GALNTL6: variants seen among roughly 807,000 people sequenced by gnomAD.
GALNTL6 encodes the protein polypeptide N-acetylgalactosaminyltransferase-like 6.
In GALNTL6, 46 loss-of-function variants were observed where a neutral mutation model predicts 73.7. That is an observed-to-expected ratio of 0.62 (90% confidence interval 0.49 to 0.80). The LOEUF (loss-of-function observed/expected upper bound fraction) is 0.80. Ranked by LOEUF, GALNTL6 falls within the 30% of genes least tolerant of loss-of-function variation. The pLI, the probability that GALNTL6 is intolerant of heterozygous loss-of-function variation, is 0.00. For synonymous variants in GALNTL6, 259 were observed against 263.7 expected (o/e 0.98, Z 0.17); for missense variants, 604 against 755.0 (o/e 0.80, Z 2.34).
intron 2 of GALNTL6, among the ~76,000 whole-genome samples, chr4:172,150,075 T>A (rs1014530835): frequency 6.6e-6 from 1 of 152,150 alleles, no homozygotes; most frequent in East Asian, 1.9e-4. Context: ...ATACCTTTAC[T>A]GGGCCCACCA....
At chr4:172,064,302 G>A (rs1226990333) in intron 2 of GALNTL6, among the ~76,000 whole-genome samples, 1 of 152,152 alleles carries the variant, frequency 6.6e-6, no homozygotes, top group Non-Finnish European at 1.5e-5. Flanking sequence ...TCAGCATTAT[G>A]ATTATTTGGC....
intron 2 of GALNTL6, among the ~76,000 whole-genome samples, chr4:172,180,461 C>T (rs1266697681): frequency 3.3e-5 from 5 of 152,004 alleles, no homozygotes; most frequent in Non-Finnish European, 5.9e-5. Context: ...AATTCGATCC[C>T]ATTTGTCAAT....
At chr4:172,755,205 A>G (rs1335015975) in intron 5 of GALNTL6, among the ~76,000 whole-genome samples, 2 of 151,986 alleles carry the variant, frequency 1.3e-5, no homozygotes, top group Non-Finnish European at 2.9e-5. Flanking sequence ...ACCACTTAGA[A>G]GCCATAAGAT....
intron 10 of GALNTL6, among the ~76,000 whole-genome samples, chr4:172,991,150 A>G (rs921218975): frequency 4.6e-5 from 7 of 152,212 alleles, no homozygotes; most frequent in African/African-American, 1.7e-4. Flanking sequence ...CAAAAATTTT[A>G]AAAAGACTTA....
chr4:172,415,659 C>G (rs1029860946), intron 5 of GALNTL6, among the ~76,000 whole-genome samples: 1 of 152,124 alleles, frequency 6.6e-6, no homozygotes, highest in Non-Finnish European at 1.5e-5. Flanking sequence ...CTTTATTCAG[C>G]TGGGAGCATC....
chr4:172,967,564 T>G (rs2126397646), intron 10 of GALNTL6, among the ~76,000 whole-genome samples: 1 of 152,336 alleles, frequency 6.6e-6, no homozygotes, highest in East Asian at 1.9e-4. Flanking sequence ...TGGTCTCACT[T>G]TCTGCACTTT....
chr4:172,651,122 G>C (rs1740456797), intron 5 of GALNTL6, among the ~76,000 whole-genome samples: 1 of 152,106 alleles, frequency 6.6e-6, no homozygotes, highest in Non-Finnish European at 1.5e-5. Context: ...TGTCTTATTA[G>C]TCCATGTGTA....
intron 2 of GALNTL6, among the ~76,000 whole-genome samples, chr4:171,986,797 C>G (rs188297028): frequency 2.6e-5 from 4 of 152,122 alleles, no homozygotes; most frequent in Non-Finnish European, 5.9e-5. Flanking sequence ...AGAATTGGGA[C>G]GACCCAGGAC....
intron 7 of GALNTL6, among the ~76,000 whole-genome samples, chr4:172,870,714 C>T (rs186514840): frequency 1.3e-5 from 2 of 152,204 alleles, no homozygotes; most frequent in East Asian, 1.9e-4. Context: ...CAGTTCAGAC[C>T]GGCCTAGGAC....
chr4:172,978,612 T>A (rs1750937940), intron 10 of GALNTL6, among the ~76,000 whole-genome samples: 2 of 152,190 alleles, frequency 1.3e-5, no homozygotes, highest in African/African-American at 4.8e-5. Flanking sequence ...TTACCCAATT[T>A]CAGTGCGTAA....
At chr4:172,128,188 T>C (rs1243976034) in intron 2 of GALNTL6, among the ~76,000 whole-genome samples, 3 of 152,192 alleles carry the variant, frequency 2.0e-5, no homozygotes, top group Non-Finnish European at 4.4e-5. Context: ...ATTTTTATTT[T>C]GACAAATTTT....
At chr4:172,848,100 A>G (rs949850544) in intron 7 of GALNTL6, among the ~76,000 whole-genome samples, 1 of 152,168 alleles carries the variant, frequency 6.6e-6, no homozygotes, top group Non-Finnish European at 1.5e-5. Flanking sequence ...TTTGGATTGG[A>G]TTGACATATC....
intron 7 of GALNTL6, among the ~76,000 whole-genome samples, chr4:172,816,013 A>G (rs980701704): frequency 6.6e-6 from 1 of 152,238 alleles, no homozygotes; most frequent in Admixed American, 6.5e-5. Context: ...GAATGTGCTC[A>G]TAAACAGACA....
intron 5 of GALNTL6, among the ~76,000 whole-genome samples, chr4:172,514,253 A>T (rs559820293): frequency 6.6e-6 from 1 of 152,298 alleles, no homozygotes; most frequent in East Asian, 1.9e-4. Flanking sequence ...GCCTGAACTC[A>T]GACTCTCCTT....
At chr4:172,919,590 G>C (rs1238896045) in intron 8 of GALNTL6, among the ~76,000 whole-genome samples, 4 of 152,182 alleles carry the variant, frequency 2.6e-5, no homozygotes, top group African/African-American at 9.7e-5. Flanking sequence ...GGAAGGTTCT[G>C]TTCCACTACA....
At chr4:172,075,367 C>T (rs7678105) in intron 2 of GALNTL6, among the ~76,000 whole-genome samples, 21,749 of 151,972 alleles carry the variant, frequency 0.14, 2,082 homozygotes, top group East Asian at 0.26. Context: ...CGGAGTCTTG[C>T]TCTGTCGCCC....
intron 9 of GALNTL6, among the ~76,000 whole-genome samples, chr4:172,951,563 G>A (rs767996343): frequency 1.3e-4 from 20 of 152,170 alleles, no homozygotes; most frequent in African/African-American, 3.1e-4. Context: ...ACAAATGCTC[G>A]GTGATCTCTC....
At chr4:172,196,334 C>T (rs1034080305) in intron 2 of GALNTL6, among the ~76,000 whole-genome samples, 19 of 152,092 alleles carry the variant, frequency 1.2e-4, no homozygotes, top group Non-Finnish European at 7.4e-5. Flanking sequence ...ATCCCAGGAC[C>T]AGATGGATTT....
intron 5 of GALNTL6, among the ~76,000 whole-genome samples, chr4:172,464,838 A>G (rs1391621312): frequency 6.6e-6 from 1 of 152,212 alleles, no homozygotes; most frequent in Non-Finnish European, 1.5e-5. Context: ...TCTTTTATAT[A>G]CAAAAAATCT....
Sources: allele counts gnomAD v4.1 joint callset (sites outside exome capture counted in the v4.1 genomes callset), GRCh38; gene constraint gnomAD v4.1.1; transcripts MANE v1.5; gene names NCBI Gene and HGNC (gene_info 2026-07-23, HGNC 2026-07-21).